The following ITGB2 variants were observed in gnomAD, a reference collection of about 807,000 sequenced individuals.
The protein encoded by ITGB2 is integrin subunit beta 2.
A neutral mutation model predicts 86.8 loss-of-function variants in ITGB2; 56 were observed. The observed-to-expected ratio is 0.65, with a 90% CI of 0.52 to 0.81. The LOEUF is 0.81. ITGB2 is among the 30% of genes least tolerant of loss of function. The pLI is 0.00. For synonymous variants in ITGB2, 457 were observed against 450.4 expected, an observed-to-expected ratio of 1.01 and a Z score of -0.19; for missense variants, 948 against 1,061.2, an observed-to-expected ratio of 0.89 and a Z score of 1.48.
At chr21:44,899,265 G>T in intron 7 of ITGB2, 103 bp from the exon 8 acceptor site, 1 of 874,662 alleles carries the variant, frequency 1.1e-6, no homozygotes, top group Non-Finnish European at 1.9e-6. Flanking sequence ...CCCGTGCTTC[G>T]AACCCTCTCT....
chr21:44,909,430 A>G (rs1601320545), intron 3 of ITGB2: 1 of 152,518 alleles, frequency 6.6e-6, no homozygotes, highest in Admixed American at 6.5e-5. Flanking sequence ...GGAAAGACAA[A>G]GAAAGCTGAG....
intron 14 of ITGB2, among the ~76,000 whole-genome samples, chr21:44,887,123 C>G (rs1169793379): frequency 6.6e-6 from 1 of 152,154 alleles, no homozygotes; most frequent in Non-Finnish European, 1.5e-5. Context: ...AACCTAAGGG[C>G]CATTGCCACC....
upstream of ITGB2, among the ~76,000 whole-genome samples, chr21:44,925,626 CAG>C (rs1207645477): frequency 6.6e-6 from 1 of 152,092 alleles, no homozygotes; most frequent in Non-Finnish European, 1.5e-5. Flanking sequence ...TAGTAGAATC[CAG>C]AGTCTTATTA....
At position 44,886,209 on chromosome 21, in the gene ITGB2, A is replaced by T; in HGVS notation, c.*159T>A. 1 of 718,772 alleles carries T rather than the reference A, an allele frequency of 1.4e-6. No homozygotes were observed. The highest frequency in any genetic ancestry group is 2.5e-6 in the Non-Finnish European group (1 of 401,778). The allele number at this position is 718,772 out of a possible 1,614,324, so 44.5% of individuals were successfully genotyped here. A position where few individuals can be genotyped will look rare whatever the true frequency, so the allele number is the denominator to read the frequency against. ...GGAGCTGTCCCCCCGACGAGCCCCC[A>T]GAAGCACCCGGCCGGCCATGGCTGT... is the stretch of plus-strand genomic sequence containing the variant. On this transcript the variant is annotated 3_prime_UTR_variant, in exon 16 of 16. Coordinates refer to ENST00000652462, the MANE Select transcript of ITGB2 (RefSeq NM_000211.5).
At chr21:44,914,315 G>A (rs1318034130) in intron 1 of ITGB2, 2 of 152,500 alleles carry the variant, frequency 1.3e-5, no homozygotes, top group Admixed American at 6.5e-5. Context: ...GGAAGTGCTG[G>A]TGCAACCCCA....
Position 44,910,315 on chromosome 21 carries a change from GACTCGAT to G in ITGB2, c.109_115del (p.Ile37ArgfsTer11). 1 of 1,614,112 alleles carries G rather than the reference GACTCGAT, an allele frequency of 6.2e-7. No homozygotes were observed. ...CTGGCACCAGGTGCAGCCGGGCCCC[GACTCGAT>G]GCATTCCCGGCAGCTGCTGACCTTG... is the stretch of plus-strand genomic sequence containing the variant. On this transcript the variant is annotated frameshift_variant, in exon 3 of 16. Transcript: ENST00000652462. LOFTEE classifies it high-confidence loss of function.
At chr21:44,893,360 G>A (rs749453701) in intron 10 of ITGB2, 44 bp downstream of exon 10, 1 of 1,607,474 alleles carries the variant, frequency 6.2e-7, no homozygotes, top group Non-Finnish European at 8.5e-7. Context: ...TGTCCCCAGA[G>A]CCCCTCAGCA....
intron 4 of ITGB2, 113 bp downstream of exon 4, chr21:44,906,802 C>G (rs2084048464): frequency 1.7e-6 from 2 of 1,176,068 alleles, no homozygotes; most frequent in Non-Finnish European, 2.5e-6. Context: ...CCCGTCCGAC[C>G]CGGACACATG....
At position 44,886,250 on chromosome 21, in the gene ITGB2, A is replaced by C; in HGVS notation, c.*118T>G. ...CCATGGCTGTCATTTTGAGGGCGGA[A>C]AATAACTGGATTTCTGGTTAATTGG... On this transcript the variant is annotated 3_prime_UTR_variant, in exon 16 of 16. Transcript: ENST00000652462. 1 of 1,055,790 alleles carries C rather than the reference A, an allele frequency of 9.5e-7. No individual in the cohort carries two copies. 65.4% of individuals were successfully genotyped at this position (1,055,790 alleles called of 1,614,324 possible).
intron 8 of ITGB2, among the ~76,000 whole-genome samples, 200 bp downstream of exon 8, chr21:44,898,867 C>A (rs943332706): frequency 6.6e-6 from 1 of 152,226 alleles, no homozygotes; most frequent in African/African-American, 2.4e-5. Flanking sequence ...AGGAATTCCT[C>A]CTCCTATCGA....
At chr21:44,921,764 C>A (rs536877283), upstream of ITGB2, among the ~76,000 whole-genome samples, 2 of 152,286 alleles carry the variant, frequency 1.3e-5, no homozygotes, top group East Asian at 3.9e-4. Context: ...TTTTGTCACC[C>A]AGGCTGGAGT....
upstream of ITGB2, among the ~76,000 whole-genome samples, chr21:44,925,314 C>T (rs1035076424): frequency 2.0e-5 from 3 of 150,714 alleles, no homozygotes; most frequent in East Asian, 2.0e-4. Context: ...GGTCTCGCTA[C>T]GTTGCCAAGG....
intron 1 of ITGB2, chr21:44,911,025 C>T (rs2084123786): frequency 5.2e-6 from 3 of 575,906 alleles, no homozygotes; most frequent in Admixed American, 3.0e-5. Flanking sequence ...CCCAGGACAG[C>T]TGCAGCGGGC....
intron 1 of ITGB2, among the ~76,000 whole-genome samples, chr21:44,920,602 C>T (rs1193154405): frequency 1.3e-5 from 2 of 152,188 alleles, no homozygotes; most frequent in African/African-American, 2.4e-5. Context: ...CAGCCGCAAG[C>T]GCTCCCAGCA....
intron 5 of ITGB2, 101 bp downstream of exon 5, chr21:44,903,264 T>C: frequency 6.8e-7 from 1 of 1,463,382 alleles, no homozygotes; most frequent in Non-Finnish European, 9.6e-7. Flanking sequence ...CCCCCAGATC[T>C]ACCCTGGGGA....
intron 6 of ITGB2, among the ~76,000 whole-genome samples, 182 bp from the exon 7 acceptor site, chr21:44,900,657 G>A (rs1004712922): frequency 5.9e-5 from 9 of 151,338 alleles, no homozygotes; most frequent in Non-Finnish European, 1.0e-4. Context: ...AGGAGACAAC[G>A]GCCCTCAAAC....
rs2083733752 is a variant in ITGB2, at chr21:44,888,682, A to ACC, written c.2080+10_2080+11insGG. Reference sequence around the variant, plus strand: ...CTGGAGCCGGTCCCCGCTGCACCCCAGCGGCCTCACCTCGGCTCTCATCCA... The same window carrying ACC: ...CTGGAGCCGGTCCCCGCTGCACCCCACCGCGGCCTCACCTCGGCTCTCATCCA... On this transcript the variant is annotated intron_variant, in intron 14 of 15. Transcript: ENST00000652462. 1 of 1,605,536 alleles carries ACC rather than the reference A, an allele frequency of 6.2e-7. No homozygotes were observed. Among genetic ancestry groups the ACC allele is most frequent in the Non-Finnish European group, 8.5e-7 (1 of 1,179,844 alleles).
chr21:44,888,943 C>T (rs780423991), intron 13 of ITGB2, 48 bp from the exon 14 acceptor site: 7 of 1,569,972 alleles, frequency 4.5e-6, no homozygotes, highest in Middle Eastern at 1.9e-4. Flanking sequence ...TGCGGGGGCT[C>T]CGGCAACGGG....
intron 1 of ITGB2, chr21:44,927,113 C>G (rs2084381996): frequency 6.6e-6 from 1 of 152,570 alleles, no homozygotes; most frequent in African/African-American, 2.4e-5. Context: ...GCTTCCACCC[C>G]CATAACACAC....
Sources: allele counts gnomAD v4.1 joint callset (sites outside exome capture counted in the v4.1 genomes callset), GRCh38; gene constraint gnomAD v4.1.1; transcripts MANE v1.5; gene names NCBI Gene and HGNC (gene_info 2026-07-23, HGNC 2026-07-21).